The following CFAP61 variants were observed in gnomAD, a reference collection of about 807,000 sequenced individuals.
CFAP61 encodes the protein cilia and flagella associated protein 61, also known as cilia- and flagella-associated protein 61.
In CFAP61, 107 loss-of-function variants were observed where a neutral mutation model predicts 135.6. That is an observed-to-expected ratio of 0.79 (90% confidence interval 0.67 to 0.93). The LOEUF (loss-of-function observed/expected upper bound fraction) is 0.93. Among genes scored for constraint, CFAP61 ranks in the 40% least tolerant of loss-of-function variants. The probability of loss-of-function intolerance (pLI) is 0.00; values close to 1 mark genes in which losing one functional copy is unlikely to be tolerated. For missense variants in CFAP61, 1,507 were observed against 1,556.2 expected (o/e 0.97, Z 0.53); for synonymous variants, 575 against 578.5 (o/e 0.99, Z 0.09).
At chr20:20,281,628 A>G (rs555211270) in intron 22 of CFAP61, among the ~76,000 whole-genome samples, 104 of 152,278 alleles carry the variant, frequency 6.8e-4, no homozygotes, top group Admixed American at 2.7e-3. Context: ...TTATCTTTCT[A>G]TATATTCCTA....
intron 8 of CFAP61, among the ~76,000 whole-genome samples, chr20:20,114,862 AC>A (rs1399987965): frequency 1.8e-4 from 27 of 152,328 alleles, no homozygotes; most frequent in African/African-American, 6.5e-4. Context: ...CTTTGTGAAT[AC>A]TCATTATCAG....
chr20:20,059,564 G>A (rs1600337801), intron 2 of CFAP61, among the ~76,000 whole-genome samples: 1 of 151,834 alleles, frequency 6.6e-6, no homozygotes, highest in East Asian at 1.9e-4. Context: ...GTTGCAGTGA[G>A]CCGAGATCGC....
intron 16 of CFAP61, among the ~76,000 whole-genome samples, chr20:20,198,586 G>A (rs900609936): frequency 6.6e-6 from 1 of 152,122 alleles, no homozygotes; most frequent in East Asian, 1.9e-4. Flanking sequence ...CCCAAATTCT[G>A]CTATAAATCT....
At chr20:20,238,679 T>C (rs1159767941) in intron 18 of CFAP61, among the ~76,000 whole-genome samples, 1 of 152,262 alleles carries the variant, frequency 6.6e-6, no homozygotes, top group Non-Finnish European at 1.5e-5. Context: ...ATGTTTCTTT[T>C]ATCATGTTCA....
intron 8 of CFAP61, among the ~76,000 whole-genome samples, chr20:20,101,635 A>T (rs2048029416): frequency 1.3e-5 from 1 of 77,670 alleles, no homozygotes; most frequent in South Asian, 6.1e-4. Flanking sequence ...TATTATTGTT[A>T]TTTTTTTGAG....
rs914002352 is a variant in CFAP61 at position 20,218,524 on chromosome 20, C to G, written c.1933-9725C>G. Among the ~76,000 whole-genome samples, 3 of 152,188 alleles carry G rather than the reference C, an allele frequency of 2.0e-5. No individual in the cohort carries two copies. In the South Asian group the frequency reaches 6.2e-4, roughly 32 times the overall value. ...AGTCCAGAAAAACTTCCTAGGTGAG[C>G]ACAGCCTAAACTACTGACCTACAGA... On this transcript the variant is annotated intron_variant, in intron 17 of 26. Transcript: ENST00000245957.
chr20:20,198,347 G>A (rs1204755546), intron 16 of CFAP61, among the ~76,000 whole-genome samples: 1 of 152,184 alleles, frequency 6.6e-6, no homozygotes, highest in Non-Finnish European at 1.5e-5. Context: ...TTCTGGGTTA[G>A]AGAAAGTCCA....
At chr20:20,312,663 CA>C (rs2056897007) in intron 25 of CFAP61, among the ~76,000 whole-genome samples, 1 of 152,084 alleles carries the variant, frequency 6.6e-6, no homozygotes, top group Admixed American at 6.6e-5. Flanking sequence ...TCAAACTACT[CA>C]AAACCCACAA....
chr20:20,211,916 G>A (rs1232898563), intron 17 of CFAP61, among the ~76,000 whole-genome samples: 2 of 152,100 alleles, frequency 1.3e-5, no homozygotes, highest in African/African-American at 4.8e-5. Context: ...GCCCTTCACG[G>A]ATCTGTGGGG....
intron 25 of CFAP61, among the ~76,000 whole-genome samples, chr20:20,301,297 T>A (rs2056078206): frequency 6.6e-6 from 1 of 152,188 alleles, no homozygotes; most frequent in African/African-American, 2.4e-5. Flanking sequence ...GCCTACAGTA[T>A]TCAGTATAGA....
At chr20:20,309,447 G>C (rs2056684899) in intron 25 of CFAP61, among the ~76,000 whole-genome samples, 1 of 152,116 alleles carries the variant, frequency 6.6e-6, no homozygotes, top group African/African-American at 2.4e-5. Context: ...TCCTTCCTGG[G>C]TGCCAGGCAG....
chr20:20,265,967 A>C (rs2052703151), intron 21 of CFAP61: 1 of 157,062 alleles, frequency 6.4e-6, no homozygotes, highest in South Asian at 1.9e-4. Context: ...AGAGCAGAGG[A>C]GGCCTAGGAC....
rs533935229 is a variant in CFAP61, at chr20:20,294,239, T to C, written c.3216+3848T>C. On this transcript the variant is annotated intron_variant, in intron 24 of 26. Coordinates refer to ENST00000245957, the MANE Select transcript of CFAP61 (RefSeq NM_015585.4). The stretch of plus-strand genomic sequence containing the variant: ...CATCACTTAGTGGAGCAGCTTTCTA[T>C]GAGCAATTGCAGCAAGAGTTCTGGG... Among the ~76,000 whole-genome samples the C allele has an allele frequency of 2.6e-5, 4 of 152,350 alleles. No homozygotes were observed. The South Asian group carries it at 8.3e-4, about 32-fold the overall frequency.
intron 8 of CFAP61, among the ~76,000 whole-genome samples, chr20:20,111,240 G>C (rs1374403624): frequency 6.6e-6 from 1 of 152,156 alleles, no homozygotes; most frequent in Admixed American, 6.5e-5. Flanking sequence ...CCACATTAAA[G>C]TTTGCTTTGC....
At position 20,075,225 on chromosome 20, in the gene CFAP61, A is replaced by G; in HGVS notation, c.408A>G (p.Ile136Met). Reference sequence around the variant, plus strand: ...AGGCAGTGCCAGAGCTGCACTTCATATTTCTCATCGTGCCATCCTACATGA... The same window carrying G: ...AGGCAGTGCCAGAGCTGCACTTCATGTTTCTCATCGTGCCATCCTACATGA... The part of the protein sequence containing the change: ...VYKAVPELHF[I>M]FLIVPSYMSL... The change falls in exon 5 of 27, where the codon ATA becomes ATG. Residue 136 changes from isoleucine to methionine, a missense_variant. Transcript: ENST00000245957. 2 of 1,614,078 alleles carry G rather than the reference A, an allele frequency of 1.2e-6. No homozygotes were observed. Among genetic ancestry groups the G allele is most frequent in the South Asian group, 2.2e-5 (2 of 91,086 alleles).
At chr20:20,063,554 G>T (rs893321192) in intron 2 of CFAP61, among the ~76,000 whole-genome samples, 2 of 152,134 alleles carry the variant, frequency 1.3e-5, no homozygotes, top group African/African-American at 4.8e-5. Context: ...AATATTCTTA[G>T]TAATAATTCT....
intron 9 of CFAP61, among the ~76,000 whole-genome samples, chr20:20,153,730 A>G (rs1030233469): frequency 1.3e-5 from 2 of 152,042 alleles, no homozygotes; most frequent in Non-Finnish European, 1.5e-5. Context: ...AAAATTGCCA[A>G]CAAAAAAAGT....
At chr20:20,239,382 AG>A (rs2049846978) in intron 18 of CFAP61, among the ~76,000 whole-genome samples, 1 of 152,198 alleles carries the variant, frequency 6.6e-6, no homozygotes, top group Admixed American at 6.5e-5. Context: ...ATGAAAGGGC[AG>A]GGAACCTTCT....
chr20:20,137,178 C>A (rs543181202), intron 8 of CFAP61, among the ~76,000 whole-genome samples: 2 of 152,316 alleles, frequency 1.3e-5, no homozygotes, highest in East Asian at 3.9e-4. Context: ...CTTGTGGCCA[C>A]CACCACTGTG....
Sources: gnomAD v4.1 joint callset for allele counts (sites outside exome capture counted in the v4.1 genomes callset) on GRCh38, gnomAD v4.1.1 for gene constraint, MANE v1.5 for transcripts, NCBI Gene and HGNC (gene_info 2026-07-23, HGNC 2026-07-21) for gene names.